The following PMS2 variants were observed in gnomAD, a reference collection of about 807,000 sequenced individuals.
PMS2 encodes mismatch repair endonuclease PMS2.
A neutral mutation model predicts 90.0 loss-of-function variants in PMS2; 69 were observed. The ratio of observed to expected loss-of-function variants is 0.77; its 90% confidence interval spans 0.63 to 0.94. PMS2 has a LOEUF of 0.94. PMS2 is among the 40% of genes least tolerant of loss of function. PMS2 has a pLI of 0.00. For synonymous variants in PMS2, 332 were observed against 375.1 expected (o/e 0.89, Z 1.33); for missense variants, 966 against 1,040.2 (o/e 0.93, Z 0.98).
rs770678468 is a variant in PMS2, at chr7:6,003,774, G to C, written c.269C>G (p.Ser90Cys). 4 of 1,604,756 alleles carry C rather than the reference G, an allele frequency of 2.5e-6. No homozygotes were observed. Among genetic ancestry groups the C allele is most frequent in the South Asian group, 1.1e-5 (1 of 91,006 alleles). Residue 90 changes from serine (S) to cysteine (C), a missense_variant, in exon 4 of 15, where the codon TCT becomes TGT. By Grantham distance (112) the Ser-to-Cys change is moderately radical (BLOSUM62 -1). Transcript: ENST00000265849. ...TAGGTCGGCAAACTCTTGAATCTTA[G>C]ATGTGTGATGTTTCAGAGCTGAAAG... Reference protein sequence around the residue: ...FEGLTLKHHTSKIQEFADLTQ... With the variant: ...FEGLTLKHHTCKIQEFADLTQ...
At chr7:5,991,820 C>CA (rs1164829466) in intron 9 of PMS2, among the ~76,000 whole-genome samples, 153 bp downstream of exon 9, 2 of 152,090 alleles carry the variant, frequency 1.3e-5, no homozygotes, top group Admixed American at 6.6e-5. Context: ...GCCTGGGTGA[C>CA]AGAGCAAGAC....
chr7:5,986,552 C>G (rs1197020464), intron 11 of PMS2, among the ~76,000 whole-genome samples: 1 of 151,702 alleles, frequency 6.6e-6, no homozygotes, highest in Non-Finnish European at 1.5e-5. Flanking sequence ...ATTAGCCAGG[C>G]ATGGTGGCGT....
intron 9 of PMS2, among the ~76,000 whole-genome samples, chr7:5,991,334 T>C (rs559329686): frequency 1.3e-3 from 201 of 151,882 alleles, no homozygotes; most frequent in Admixed American, 2.6e-3. Flanking sequence ...TGTACATATG[T>C]GTTTCTAAGT....
At chr7:6,008,332 G>C (rs2128861198) in intron 1 of PMS2, among the ~76,000 whole-genome samples, 1 of 152,220 alleles carries the variant, frequency 6.6e-6, no homozygotes, top group South Asian at 2.1e-4. Context: ...GCCAAGATTC[G>C]GTGTAGCTTA....
chr7:5,997,483 C>G (rs976104636), intron 6 of PMS2, 60 bp from the exon 7 acceptor site: 10 of 942,606 alleles, frequency 1.1e-5, no homozygotes, highest in Non-Finnish European at 1.7e-5. Context: ...TGGACTTAAT[C>G]TGTTTTCTTT....
chr7:6,002,741 G>C, intron 4 of PMS2, 105 bp from the exon 5 acceptor site: 1 of 886,784 alleles, frequency 1.1e-6, no homozygotes, highest in South Asian at 1.3e-5. Context: ...TTCTTAAAAA[G>C]CTGACGATCC....
intron 6 of PMS2, 29 bp downstream of exon 6, chr7:5,999,079 G>A (rs749148479): frequency 1.2e-6 from 2 of 1,603,636 alleles, no homozygotes; most frequent in South Asian, 1.1e-5. Context: ...AGAGCAATAA[G>A]AGGCGTTGAA....
intron 1 of PMS2, among the ~76,000 whole-genome samples, chr7:6,008,390 T>C (rs1786117832): frequency 6.6e-6 from 1 of 152,234 alleles, no homozygotes; most frequent in South Asian, 2.1e-4. Context: ...ATTGCATTTT[T>C]AAAAACTGCG....
At chr7:5,996,479 T>TGGGAGGCAGAGGTTGCA (rs1171262595) in intron 7 of PMS2, among the ~76,000 whole-genome samples, 2 of 150,534 alleles carry the variant, frequency 1.3e-5, no homozygotes, top group Non-Finnish European at 3.0e-5. Context: ...CGCTTGAACC[T>TGGGAGGCAGAGGTTGCA]GGGAGGCAGA....
chr7:6,007,434 A>G (rs992825810), intron 1 of PMS2, among the ~76,000 whole-genome samples: 1 of 152,182 alleles, frequency 6.6e-6, no homozygotes, highest in African/African-American at 2.4e-5. Flanking sequence ...AGCACAGTGA[A>G]CAACTGTCCT....
intron 11 of PMS2, among the ~76,000 whole-genome samples, chr7:5,983,578 C>T (rs1782539377): frequency 6.6e-6 from 1 of 151,668 alleles, no homozygotes; most frequent in African/African-American, 2.4e-5. Context: ...CTTAATTCTC[C>T]ATTCTGTCAT....
intron 8 of PMS2, among the ~76,000 whole-genome samples, chr7:5,993,732 G>A (rs1445588129): frequency 1.3e-5 from 2 of 151,168 alleles, no homozygotes; most frequent in Admixed American, 1.3e-4. Context: ...GTGGTGATGC[G>A]TGCCTGTAGT....
At chr7:6,000,155 A>C (rs1271102583) in intron 5 of PMS2, among the ~76,000 whole-genome samples, 2 of 151,906 alleles carry the variant, frequency 1.3e-5, no homozygotes, top group East Asian at 1.9e-4. Context: ...CGGGAGGATC[A>C]CTTGAGCCCA....
intron 7 of PMS2, among the ~76,000 whole-genome samples, chr7:5,996,915 TA>T (rs1784468762): frequency 6.6e-6 from 1 of 151,996 alleles, no homozygotes. Flanking sequence ...ATAAAGGACA[TA>T]AAAAACTATT....
chr7:6,005,116 G>T (rs547625084), intron 2 of PMS2, among the ~76,000 whole-genome samples: 2 of 152,154 alleles, frequency 1.3e-5, no homozygotes, highest in East Asian at 3.9e-4. Context: ...TGTTGGTTAG[G>T]CTGGTCTAGA....
chr7:5,990,449 G>A (rs1783615654), intron 9 of PMS2, among the ~76,000 whole-genome samples: 1 of 152,106 alleles, frequency 6.6e-6, no homozygotes, highest in Admixed American at 6.6e-5. Flanking sequence ...ATGAGCAAAA[G>A]ACAATTTTTG....
intron 8 of PMS2, among the ~76,000 whole-genome samples, chr7:5,993,616 A>T (rs922982599): frequency 2.6e-5 from 4 of 151,676 alleles, no homozygotes; most frequent in African/African-American, 7.3e-5. Flanking sequence ...TAATCCCAGC[A>T]CTTTGGGAGA....
At chr7:5,988,052 CAAAAAAAAA>C (rs10543125) in intron 10 of PMS2, among the ~76,000 whole-genome samples, 2 of 41,124 alleles carry the variant, frequency 4.9e-5, no homozygotes, top group African/African-American at 2.0e-4. Context: ...CACTCTGTCT[CAAAAAAAAA>C]AAAAAAAAAA....
chr7:5,976,061 A>G (rs1394544182), intron 14 of PMS2, among the ~76,000 whole-genome samples: 5 of 145,080 alleles, frequency 3.4e-5, no homozygotes, highest in South Asian at 2.3e-4. Flanking sequence ...CAACATGGTG[A>G]AACCCCATCT....
Sources: gnomAD v4.1 joint callset for allele counts (sites outside exome capture counted in the v4.1 genomes callset) on GRCh38, gnomAD v4.1.1 for gene constraint, MANE v1.5 for transcripts, NCBI Gene and HGNC (gene_info 2026-07-23, HGNC 2026-07-21) for gene names.